The following CMTM8 variants were observed in gnomAD, a reference collection of about 807,000 sequenced individuals.
The protein encoded by CMTM8 is CKLF like MARVEL transmembrane domain containing 8, also known as CKLF-like MARVEL transmembrane domain-containing protein 8.
In CMTM8, 12 loss-of-function variants were observed where a neutral mutation model predicts 18.6. That is an observed-to-expected ratio of 0.65 (90% CI 0.41 to 1.05). CMTM8 has a LOEUF of 1.05. Ranked by LOEUF, CMTM8 falls within the 50% of genes least tolerant of loss-of-function variation. The probability of loss-of-function intolerance (pLI) is 0.00; values close to 1 mark genes in which losing one functional copy is unlikely to be tolerated. For missense variants in CMTM8, 217 were observed against 227.2 expected (o/e 0.95, Z 0.29); for synonymous variants, 87 against 90.6 (o/e 0.96, Z 0.23).
chr3:32,281,075 C>A (rs1369693782), intron 1 of CMTM8, among the ~76,000 whole-genome samples: 1 of 152,080 alleles, frequency 6.6e-6, no homozygotes, highest in African/African-American at 2.4e-5. Context: ...CCCCAAGCCC[C>A]ATCTCTGCAT....
chr3:32,303,651 A>C lies in CMTM8; in HGVS notation c.148-53722A>C, dbSNP rs1238911637. 4.6e-5 allele frequency among the ~76,000 whole-genome samples: 7 copies of C among 152,030 alleles called. No individual in the cohort carries two copies. The East Asian group carries it at 1.4e-3, about 29-fold the overall frequency. On this transcript the variant is annotated intron_variant, in intron 1 of 3. Coordinates refer to ENST00000307526, the MANE Select transcript of CMTM8 (RefSeq NM_178868.5). ...CCCCTCCCAACTGTAATTTTGAAAA[A>C]TTTCAAATCTGCAGGAAAGTAGAAC...
intron 1 of CMTM8, among the ~76,000 whole-genome samples, chr3:32,271,353 C>T (rs1041558887): frequency 5.3e-5 from 8 of 152,196 alleles, no homozygotes; most frequent in Non-Finnish European, 1.2e-4. Context: ...TCATCGACCT[C>T]GGGTGACCCG....
chr3:32,346,296 C>T (rs767528556), intron 1 of CMTM8, among the ~76,000 whole-genome samples: 20 of 152,336 alleles, frequency 1.3e-4, no homozygotes, highest in East Asian at 3.9e-4. Flanking sequence ...ACAGCTACTC[C>T]GGCTTTACCC....
chr3:32,335,375 G>A (rs983731727), intron 1 of CMTM8, among the ~76,000 whole-genome samples: 5 of 152,202 alleles, frequency 3.3e-5, no homozygotes, highest in Non-Finnish European at 7.3e-5. Flanking sequence ...GGAGTCAGGC[G>A]CACTAGGTGG....
intron 1 of CMTM8, among the ~76,000 whole-genome samples, chr3:32,342,084 C>CT (rs1696508649): frequency 6.6e-6 from 1 of 151,670 alleles, no homozygotes; most frequent in Non-Finnish European, 1.5e-5. Flanking sequence ...CCCGTCTCTA[C>CT]TAAAAACATA....
chr3:32,321,657 G>C (rs1177914117), intron 1 of CMTM8, among the ~76,000 whole-genome samples: 1 of 152,106 alleles, frequency 6.6e-6, no homozygotes, highest in Admixed American at 6.5e-5. Context: ...GATTACAGTG[G>C]TGCAATCATG....
chr3:32,322,675 T>C (rs1387008367), intron 1 of CMTM8, among the ~76,000 whole-genome samples: 1 of 152,148 alleles, frequency 6.6e-6, no homozygotes. Flanking sequence ...ATGGCATAGA[T>C]GGTTGGTCCA....
rs1575148763 is a variant in CMTM8 at position 32,259,505 on chromosome 3, G to A, written c.147+20386G>A. Reference sequence around the variant, plus strand: ...CATTCATGGGCTCTTCAAGGTCATTGATGACACCAATGTCACTCGGCTGCA... The same window carrying A: ...CATTCATGGGCTCTTCAAGGTCATTAATGACACCAATGTCACTCGGCTGCA... On this transcript the variant is annotated intron_variant, in intron 1 of 3. Coordinates refer to ENST00000307526, the MANE Select transcript of CMTM8 (RefSeq NM_178868.5). 2.3e-5 allele frequency: 18 copies of A among 780,776 alleles called. No individual in the cohort carries two copies. In the East Asian group the frequency reaches 4.4e-4, roughly 19 times the overall value. The allele number at this position is 780,776 out of a possible 1,614,324, so 48.4% of individuals were successfully genotyped here. A position where few individuals can be genotyped will look rare whatever the true frequency, so the allele number is the denominator to read the frequency against.
chr3:32,335,227 G>A (rs1313985888), intron 1 of CMTM8, among the ~76,000 whole-genome samples: 3 of 152,210 alleles, frequency 2.0e-5, no homozygotes, highest in Non-Finnish European at 4.4e-5. Context: ...ACACCAGGCT[G>A]TGCCCTCCAT....
At chr3:32,334,255 G>A (rs1002646403) in intron 1 of CMTM8, among the ~76,000 whole-genome samples, 1 of 151,734 alleles carries the variant, frequency 6.6e-6, no homozygotes, top group Non-Finnish European at 1.5e-5. Context: ...TGGGACTACA[G>A]GCGTGAGCCA....
At chr3:32,364,305 C>G (rs922933535) in intron 2 of CMTM8, among the ~76,000 whole-genome samples, 4 of 152,144 alleles carry the variant, frequency 2.6e-5, no homozygotes, top group African/African-American at 4.8e-5. Context: ...GAGATCGAGA[C>G]CATCTTGGCT....
At chr3:32,363,207 G>T (rs979094943) in intron 2 of CMTM8, among the ~76,000 whole-genome samples, 4 of 152,180 alleles carry the variant, frequency 2.6e-5, no homozygotes, top group African/African-American at 9.7e-5. Flanking sequence ...TCTCTCCTGT[G>T]ATAGTCCAGA....
chr3:32,320,339 C>T (rs1042486661), intron 1 of CMTM8, among the ~76,000 whole-genome samples: 28 of 152,130 alleles, frequency 1.8e-4, no homozygotes, highest in Non-Finnish European at 3.5e-4. Context: ...GAGGAGGAAC[C>T]TTGACAACTT....
chr3:32,307,435 G>A (rs1309668402), intron 1 of CMTM8, among the ~76,000 whole-genome samples: 1 of 152,162 alleles, frequency 6.6e-6, no homozygotes, highest in African/African-American at 2.4e-5. Context: ...TTCTGTCTTG[G>A]GTAGGTGGGG....
intron 1 of CMTM8, among the ~76,000 whole-genome samples, chr3:32,274,073 G>A (rs572101071): frequency 6.6e-6 from 1 of 152,082 alleles, no homozygotes; most frequent in Admixed American, 6.6e-5. Context: ...ACTTTGGGAG[G>A]CTGAGATAGG....
At chr3:32,262,260 A>G (rs544949835) in intron 1 of CMTM8, among the ~76,000 whole-genome samples, 1 of 152,156 alleles carries the variant, frequency 6.6e-6, no homozygotes, top group African/African-American at 2.4e-5. Context: ...CTTCTTGGCT[A>G]TGTCTGCCAG....
chr3:32,264,322 A>G (rs1251719879), intron 1 of CMTM8, among the ~76,000 whole-genome samples: 1 of 152,228 alleles, frequency 6.6e-6, no homozygotes, highest in African/African-American at 2.4e-5. Context: ...AAGAATTTTT[A>G]ACCCAGAATT....
chr3:32,290,013 C>T (rs1374916456), intron 1 of CMTM8, among the ~76,000 whole-genome samples: 11 of 152,124 alleles, frequency 7.2e-5, no homozygotes, highest in Admixed American at 7.2e-4. Context: ...CACCTGTAGC[C>T]CCAGCTACTT....
intron 1 of CMTM8, among the ~76,000 whole-genome samples, chr3:32,298,372 C>T (rs1352459155): frequency 6.6e-6 from 1 of 151,830 alleles, no homozygotes; most frequent in Admixed American, 6.6e-5. Flanking sequence ...ACGTCCAGCC[C>T]CTAATTAAAA....
Sources: allele counts gnomAD v4.1 joint callset (sites outside exome capture counted in the v4.1 genomes callset), GRCh38; gene constraint gnomAD v4.1.1; transcripts MANE v1.5; gene names NCBI Gene and HGNC (gene_info 2026-07-23, HGNC 2026-07-21).